Variants in TMEM178B observed in about 807,000 individuals in gnomAD.
The protein encoded by TMEM178B is transmembrane protein 178B.
A neutral mutation model predicts 31.0 loss-of-function variants in TMEM178B; 5 were observed. That is an observed-to-expected ratio of 0.16 (90% CI 0.08 to 0.34). The LOEUF (loss-of-function observed/expected upper bound fraction) is 0.34. Among genes scored for constraint, TMEM178B ranks in the 10% least tolerant of loss-of-function variants. The pLI is 1.00. For synonymous variants in TMEM178B, 164 were observed against 164.0 expected, an observed-to-expected ratio of 1.00 and a Z score of 0.00; for missense variants, 275 against 400.3, an observed-to-expected ratio of 0.69 and a Z score of 2.67.
At chr7:141,350,586 C>T (rs184393883) in intron 2 of TMEM178B, among the ~76,000 whole-genome samples, 1 of 151,980 alleles carries the variant, frequency 6.6e-6, no homozygotes, top group Non-Finnish European at 1.5e-5. Flanking sequence ...GCAGAAAAAG[C>T]AATATTCACA....
Position 141,171,913 on chromosome 7 carries a change from C to T in TMEM178B, c.383-40678C>T, listed in dbSNP as rs758200887. On this transcript the variant is annotated intron_variant, in intron 1 of 3. Transcript: ENST00000565468. This position sits in a 1 kb window ranked among gnomAD's most constrained non-coding sequence, Gnocchi z 4.3. ...GTGTGCCTTCAGGTCTTGTTGGAGCCTCTACACATTAATTCTCAACAGGTA... is the reference window on the plus strand; with the variant it reads ...GTGTGCCTTCAGGTCTTGTTGGAGCTTCTACACATTAATTCTCAACAGGTA... Among the ~76,000 whole-genome samples the T allele has an allele frequency of 2.6e-5, 4 of 152,112 alleles. No homozygotes were observed. The highest frequency in any genetic ancestry group is 9.7e-5 in the African/African-American group (4 of 41,396).
At chr7:141,467,971 CAA>C (rs1011175319) in intron 3 of TMEM178B, among the ~76,000 whole-genome samples, 14 of 74,928 alleles carry the variant, frequency 1.9e-4, no homozygotes, top group Admixed American at 5.3e-4. Flanking sequence ...GATGATCTTT[CAA>C]AAAAAAAAAA....
At chr7:141,393,847 T>C (rs1250022794) in intron 2 of TMEM178B, among the ~76,000 whole-genome samples, 1 of 152,220 alleles carries the variant, frequency 6.6e-6, no homozygotes, top group African/African-American at 2.4e-5. Flanking sequence ...CACTCCATTG[T>C]GGGGAATTCA....
intron 2 of TMEM178B, among the ~76,000 whole-genome samples, chr7:141,321,642 C>T (rs1799100745): frequency 6.6e-6 from 1 of 152,108 alleles, no homozygotes; most frequent in African/African-American, 2.4e-5. Flanking sequence ...CTAAGAGTAC[C>T]AGGCCTGAAT....
rs574849799 is a variant in TMEM178B at position 141,258,645 on chromosome 7, C to T, written c.496+45941C>T. Among the ~76,000 whole-genome samples, 54 of 152,284 alleles carry T rather than the reference C, an allele frequency of 3.5e-4. 1 individual carries two copies. Among genetic ancestry groups the T allele is most frequent in the African/African-American group, 1.2e-3 (48 of 41,548 alleles). ...TATTTCTTGTAAGGCAGGTCTGATG[C>T]GATGAAATCTCTCCATATTTAATTA... On this transcript the variant is annotated intron_variant, in intron 2 of 3. Transcript: ENST00000565468.
At chr7:141,490,458 C>T in the TMEM178B span, among the ~76,000 whole-genome samples, 1 of 152,244 alleles carries the variant, frequency 6.6e-6, no homozygotes, top group East Asian at 1.9e-4. Flanking sequence ...GCCAAGGAAC[C>T]CCAGTGATTG....
At chr7:141,325,257 G>A (rs1487796620) in intron 2 of TMEM178B, among the ~76,000 whole-genome samples, 1 of 152,184 alleles carries the variant, frequency 6.6e-6, no homozygotes, top group Non-Finnish European at 1.5e-5. Context: ...TGAAGCAGAT[G>A]CAGGCAAAAT....
At chr7:141,241,427 A>G in intron 2 of TMEM178B, among the ~76,000 whole-genome samples, 1 of 151,914 alleles carries the variant, frequency 6.6e-6, no homozygotes, top group Non-Finnish European at 1.5e-5. Context: ...ACCCGTCTCT[A>G]CTAAAAATAC....
chr7:141,508,516 A>T, the TMEM178B span, among the ~76,000 whole-genome samples: 116 of 151,848 alleles, frequency 7.6e-4, no homozygotes, highest in Non-Finnish European at 1.4e-3. Flanking sequence ...GCAGTGTCCC[A>T]CTCTACTGGT....
intron 1 of TMEM178B, among the ~76,000 whole-genome samples, chr7:141,159,221 C>G (rs1796126399): frequency 6.6e-6 from 1 of 152,112 alleles, no homozygotes; most frequent in African/African-American, 2.4e-5. Context: ...CTGCAGTAGT[C>G]TCCCTGCAGT....
chr7:141,163,056 C>CA (rs529374735), intron 1 of TMEM178B, among the ~76,000 whole-genome samples: 34 of 152,370 alleles, frequency 2.2e-4, no homozygotes, highest in Non-Finnish European at 4.1e-4. Flanking sequence ...TTACAATGAA[C>CA]ATTATTTCTC....
intron 2 of TMEM178B, among the ~76,000 whole-genome samples, chr7:141,249,395 T>C (rs1324514838): frequency 6.6e-6 from 1 of 152,226 alleles, no homozygotes; most frequent in Non-Finnish European, 1.5e-5. Context: ...TTTTTCTTTA[T>C]AAATTGCCCA....
At chr7:141,401,399 ATCTTT>A (rs1257895277) in intron 2 of TMEM178B, among the ~76,000 whole-genome samples, 1 of 152,064 alleles carries the variant, frequency 6.6e-6, no homozygotes, top group African/African-American at 2.4e-5. Context: ...CACAGGGGTT[ATCTTT>A]TCTTTTATTT....
intron 2 of TMEM178B, among the ~76,000 whole-genome samples, chr7:141,381,172 T>C (rs113583273): frequency 6.6e-6 from 1 of 152,256 alleles, no homozygotes; most frequent in African/African-American, 2.4e-5. Flanking sequence ...AATCTTTACA[T>C]GGAATTCAGT....
intron 3 of TMEM178B, among the ~76,000 whole-genome samples, chr7:141,454,536 T>C (rs1801925675): frequency 6.6e-6 from 1 of 151,018 alleles, no homozygotes; most frequent in Admixed American, 6.6e-5. Context: ...CTTCCTTTCC[T>C]CCTCTCCTCT....
chr7:141,381,348 C>T (rs1800311391), intron 2 of TMEM178B, among the ~76,000 whole-genome samples: 1 of 152,154 alleles, frequency 6.6e-6, no homozygotes. Context: ...TAGACTCTTT[C>T]CCTGTAGTAG....
chr7:141,360,606 C>T (rs538718051), intron 2 of TMEM178B, among the ~76,000 whole-genome samples: 1 of 152,350 alleles, frequency 6.6e-6, no homozygotes, highest in East Asian at 1.9e-4. Context: ...AATGCTGACC[C>T]AGCAGCCTAA....
chr7:141,442,803 T>C (rs1801686057), intron 3 of TMEM178B, among the ~76,000 whole-genome samples: 1 of 152,210 alleles, frequency 6.6e-6, no homozygotes, highest in Non-Finnish European at 1.5e-5. Context: ...TCCAAAACGT[T>C]TGTGGTGTTT....
At chr7:141,332,939 G>A (rs1415534591) in intron 2 of TMEM178B, among the ~76,000 whole-genome samples, 1 of 152,226 alleles carries the variant, frequency 6.6e-6, no homozygotes, top group African/African-American at 2.4e-5. Context: ...GTAGGTTGCA[G>A]GGATCTCCTT....
Sources: gnomAD v4.1 joint callset for allele counts (sites outside exome capture counted in the v4.1 genomes callset) on GRCh38, gnomAD v4.1.1 for gene constraint, Gnocchi (gnomAD v3.1) non-coding constraint, MANE v1.5 for transcripts, NCBI Gene and HGNC (gene_info 2026-07-23, HGNC 2026-07-21) for gene names.